Variants in DENND1A observed in about 807,000 individuals in gnomAD.
DENND1A encodes the protein DENN domain containing 1A.
Under a neutral mutation model 113.7 loss-of-function variants are expected in DENND1A, and 51 were observed. The observed-to-expected ratio is 0.45, with a 90% confidence interval of 0.36 to 0.57. The LOEUF is 0.57. DENND1A is among the 20% of genes least tolerant of loss of function. The pLI, the probability that DENND1A is intolerant of heterozygous loss-of-function variation, is 0.00. For synonymous variants in DENND1A, 565 were observed against 570.8 expected (o/e 0.99, Z 0.14); for missense variants, 1,258 against 1,395.9 (o/e 0.90, Z 1.57).
intron 5 of DENND1A, among the ~76,000 whole-genome samples, chr9:123,725,976 T>C (rs1332322398): frequency 6.6e-6 from 1 of 152,212 alleles, no homozygotes; most frequent in South Asian, 2.1e-4. Flanking sequence ...CCTAATATAA[T>C]TTCTACTCAC....
intron 4 of DENND1A, among the ~76,000 whole-genome samples, chr9:123,767,401 T>C (rs1286053699): frequency 6.7e-6 from 1 of 149,066 alleles, no homozygotes; most frequent in African/African-American, 2.5e-5. Flanking sequence ...CTCAAATCCT[T>C]TTGTAAAAAA....
At chr9:123,902,174 TACACACACACACACACACAC>T (rs9299289) in intron 1 of DENND1A, among the ~76,000 whole-genome samples, 1 of 132,050 alleles carries the variant, frequency 7.6e-6, no homozygotes, top group Non-Finnish European at 1.7e-5. Flanking sequence ...CACACACACA[TACACACACACACACACACAC>T]ACACACACAC....
At position 123,557,624 on chromosome 9, in the gene DENND1A, G is replaced by T. The variant is rs754269412; in HGVS notation, c.939C>A (p.Leu313=). The change falls in exon 13 of 24, where the codon CTC becomes CTA. Residue 313 remains leucine, a synonymous_variant. Coordinates refer to ENST00000394215, the MANE Select transcript of DENND1A (RefSeq NM_001352964.2). ...TTGDGVARAF[L]KAQAAFFGSY... ...TACCGAAGAAAGCAGCCTGGGCCTT[G>T]AGGAACGCTCTGGCCACACCATCCC... The T allele has an allele frequency of 6.2e-7, 1 of 1,614,094 alleles. No individual in the cohort carries two copies. Among genetic ancestry groups the T allele is most frequent in the South Asian group, 1.1e-5 (1 of 91,046 alleles).
At chr9:123,527,436 G>T (rs2054932652) in intron 13 of DENND1A, among the ~76,000 whole-genome samples, 1 of 152,046 alleles carries the variant, frequency 6.6e-6, no homozygotes, top group Non-Finnish European at 1.5e-5. Flanking sequence ...TCTCTGATCT[G>T]GTCCAAGACT....
intron 11 of DENND1A, among the ~76,000 whole-genome samples, chr9:123,596,806 T>G (rs577683759): frequency 1.6e-4 from 24 of 152,198 alleles, no homozygotes; most frequent in Non-Finnish European, 1.5e-5. Context: ...ATGAAATAAC[T>G]GTGTTTGAAT....
chr9:123,903,652 C>T (rs1287216053), intron 1 of DENND1A, among the ~76,000 whole-genome samples: 6 of 152,152 alleles, frequency 3.9e-5, no homozygotes, highest in Admixed American at 2.0e-4. Flanking sequence ...CCGAATATTG[C>T]GCTTTTCGGA....
chr9:123,446,442 C>G (rs916718064), intron 18 of DENND1A, among the ~76,000 whole-genome samples: 13 of 152,158 alleles, frequency 8.5e-5, no homozygotes, highest in African/African-American at 3.1e-4. Flanking sequence ...CTTACTCACT[C>G]CCTTCAATGG....
chr9:123,672,145 C>T (rs1376089642), intron 6 of DENND1A, among the ~76,000 whole-genome samples: 1 of 152,228 alleles, frequency 6.6e-6, no homozygotes, highest in Non-Finnish European at 1.5e-5. Flanking sequence ...TGTCTCAAAT[C>T]AGCCCTTTAG....
chr9:123,683,748 C>T (rs527550412), intron 5 of DENND1A, among the ~76,000 whole-genome samples: 10 of 152,248 alleles, frequency 6.6e-5, no homozygotes, highest in South Asian at 4.2e-4. Context: ...AGATCAAGGA[C>T]GGTGACTGTG....
intron 13 of DENND1A, among the ~76,000 whole-genome samples, chr9:123,526,062 C>G (rs1340467283): frequency 1.3e-5 from 2 of 152,062 alleles, no homozygotes; most frequent in Non-Finnish European, 2.9e-5. Context: ...AGCCACTCCA[C>G]CATTCTTTAT....
At chr9:123,757,603 AAAATG>A in intron 5 of DENND1A, 95 bp downstream of exon 5, 2 of 1,523,968 alleles carry the variant, frequency 1.3e-6, no homozygotes, top group East Asian at 2.3e-5. Context: ...AACAGATAGG[AAAATG>A]AAATGAACAG....
intron 13 of DENND1A, among the ~76,000 whole-genome samples, chr9:123,466,792 T>A (rs2048987391): frequency 6.6e-6 from 1 of 151,886 alleles, no homozygotes; most frequent in Non-Finnish European, 1.5e-5. Flanking sequence ...TCTTAGAACA[T>A]CACAGGCTGA....
Position 123,381,939 on chromosome 9 carries a change from G to A in DENND1A, c.2706C>T (p.Ala902=). The A allele has an allele frequency of 1.6e-6, 1 of 616,988 alleles. No homozygotes were observed. The highest frequency in any genetic ancestry group is 1.9e-5 in the South Asian group (1 of 53,420). The allele number at this position is 616,988 out of a possible 1,614,324, so 38.2% of individuals were successfully genotyped here. Residue 902 remains alanine, a synonymous_variant, in exon 24 of 24, where the codon GCC becomes GCT. Coordinates refer to ENST00000394215, the MANE Select transcript of DENND1A (RefSeq NM_001352964.2). This position sits in a 1 kb window ranked among gnomAD's most constrained non-coding sequence, Gnocchi z 4.7. ...LNPFVPSMPA[A]PPTLPLVSTP... Reference sequence around the variant, plus strand: ...TGGAGACCAGGGGCAGGGTGGGTGGGGCTGCTGGCATGGATGGGACAAAGG... The same window carrying A: ...TGGAGACCAGGGGCAGGGTGGGTGGAGCTGCTGGCATGGATGGGACAAAGG...
intron 9 of DENND1A, among the ~76,000 whole-genome samples, chr9:123,632,683 G>A (rs2061529257): frequency 6.6e-6 from 1 of 152,120 alleles, no homozygotes; most frequent in Admixed American, 6.5e-5. Flanking sequence ...CTTTACAGCA[G>A]CCATCTGTAG....
At chr9:123,527,726 C>T (rs1318302360) in intron 13 of DENND1A, among the ~76,000 whole-genome samples, 1 of 152,104 alleles carries the variant, frequency 6.6e-6, no homozygotes, top group Non-Finnish European at 1.5e-5. Context: ...CTGCCATCAA[C>T]CCAGTGCCCA....
At chr9:123,755,118 C>T (rs1166707329) in intron 5 of DENND1A, among the ~76,000 whole-genome samples, 1 of 145,110 alleles carries the variant, frequency 6.9e-6, no homozygotes, top group African/African-American at 2.7e-5. Flanking sequence ...CAGTTATACA[C>T]AGATTTTTTT....
chr9:123,477,966 T>C (rs980794168), intron 13 of DENND1A, among the ~76,000 whole-genome samples: 1 of 152,150 alleles, frequency 6.6e-6, no homozygotes, highest in Non-Finnish European at 1.5e-5. Context: ...AAGTGCAAGT[T>C]CTCAGAGGGG....
chr9:123,900,830 G>A (rs564020476), intron 1 of DENND1A, among the ~76,000 whole-genome samples: 3 of 152,310 alleles, frequency 2.0e-5, no homozygotes, highest in Admixed American at 6.5e-5. Context: ...GTGACCTTGT[G>A]CAACTGGAAA....
intron 9 of DENND1A, among the ~76,000 whole-genome samples, chr9:123,649,752 GT>G (rs1345618043): frequency 6.6e-6 from 1 of 152,130 alleles, no homozygotes; most frequent in Non-Finnish European, 1.5e-5. Context: ...TGCTGCATCT[GT>G]TTTTTGTGTT....
Sources: allele counts gnomAD v4.1 joint callset (sites outside exome capture counted in the v4.1 genomes callset), GRCh38; gene constraint gnomAD v4.1.1; non-coding constraint Gnocchi (gnomAD v3.1); transcripts MANE v1.5; gene names NCBI Gene and HGNC (gene_info 2026-07-23, HGNC 2026-07-21).